KLHL4: variants seen among roughly 807,000 people sequenced by gnomAD.
KLHL4 encodes kelch-like protein 4.
Under a neutral mutation model 45.8 loss-of-function variants are expected in KLHL4, and 17 were observed. The observed-to-expected ratio is 0.37, with a 90% CI of 0.25 to 0.56. KLHL4 has a LOEUF of 0.56. Ranked by LOEUF, KLHL4 falls within the 20% of genes least tolerant of loss-of-function variation. The probability of loss-of-function intolerance (pLI) is 0.79; values close to 1 mark genes in which losing one functional copy is unlikely to be tolerated. For synonymous variants in KLHL4, 224 were observed against 189.9 expected (o/e 1.18, Z -1.47); for missense variants, 544 against 544.9 (o/e 1.00, Z 0.02).
Position 87,617,943 on chromosome X carries a change from T to C in KLHL4, c.739T>C (p.Leu247=). 1.7e-6 allele frequency: 2 copies of C among 1,208,034 alleles called. No homozygotes were observed. The highest frequency in any genetic ancestry group is 2.2e-6 in the Non-Finnish European group (2 of 892,917). The change falls in exon 4 of 11, where the codon TTG becomes CTG. Residue 247 remains leucine, a synonymous_variant. Coordinates refer to ENST00000373119, the MANE Select transcript of KLHL4 (RefSeq NM_019117.5). ...TTCAAACCATCTAGGAGTCCTGCAA[T>C]TGAAAGAAGATACCATTGAAAGTTT... ...VQYAYTGVLQ[L]KEDTIESLLA... is the part of the protein sequence containing the mutation.
intron 1 of KLHL4, among the ~76,000 whole-genome samples, chrX:87,603,647 T>TCATGATATTTATATGCATCATTATTATG (rs1922089143): frequency 9.0e-6 from 1 of 111,252 alleles, no homozygotes; most frequent in Non-Finnish European, 1.9e-5. Context: ...AATGATCAAA[T>TCATGATATTTATATGCATCATTATTATG]CATGATATTT....
At position 87,669,507 on chromosome X, in the gene KLHL4, C is replaced by T; in HGVS notation, c.*2973C>T. On this transcript the variant is annotated 3_prime_UTR_variant, in exon 11 of 11. Transcript: ENST00000373119. ...GAAAGACAGTTTCCTTCTGGAGTTCCAAATGCAATATAGAAAAAAAAACCC... is the reference window on the plus strand; with the variant it reads ...GAAAGACAGTTTCCTTCTGGAGTTCTAAATGCAATATAGAAAAAAAAACCC... The T allele has an allele frequency of 1.1e-6, 1 of 896,626 alleles. No homozygotes were observed. The highest frequency in any genetic ancestry group is 3.5e-5 in the South Asian group (1 of 28,406). 73.9% of individuals were successfully genotyped at this position (896,626 alleles called of 1,213,427 possible).
chrX:87,570,820 T>A (rs10521376), intron 1 of KLHL4, among the ~76,000 whole-genome samples: 2,478 of 110,875 alleles, frequency 0.022, 69 homozygotes, highest in African/African-American at 0.077. Flanking sequence ...ATGAAATAAG[T>A]ATAGAAGTTC....
chrX:87,574,618 A>G (rs892517365), intron 1 of KLHL4, among the ~76,000 whole-genome samples: 5 of 111,327 alleles, frequency 4.5e-5, no homozygotes, highest in African/African-American at 1.3e-4. Context: ...ATAAGACAGA[A>G]ATTCATAAGT....
intron 10 of KLHL4, among the ~76,000 whole-genome samples, chrX:87,666,184 A>G (rs1298025132): frequency 1.8e-5 from 2 of 111,304 alleles, no homozygotes; most frequent in Non-Finnish European, 3.8e-5. Context: ...CATCACAAAA[A>G]CCTTGACGTG....
At chrX:87,556,005 C>T (rs1931964410) in intron 1 of KLHL4, among the ~76,000 whole-genome samples, 1 of 109,886 alleles carries the variant, frequency 9.1e-6, no homozygotes, top group Admixed American at 9.8e-5. Context: ...GCAGGTTGTT[C>T]AGTTTCCATG....
At chrX:87,566,826 G>C (rs953045147) in intron 1 of KLHL4, among the ~76,000 whole-genome samples, 1 of 111,181 alleles carries the variant, frequency 9.0e-6, no homozygotes, top group Non-Finnish European at 1.9e-5. Flanking sequence ...AATGAAAAAA[G>C]ATCATTACAA....
intron 1 of KLHL4, among the ~76,000 whole-genome samples, chrX:87,577,175 G>A (rs1049879131): frequency 8.9e-6 from 1 of 111,859 alleles, no homozygotes; most frequent in African/African-American, 3.2e-5. Context: ...AAACTTACAG[G>A]TTATGCTAAA....
intron 1 of KLHL4, among the ~76,000 whole-genome samples, chrX:87,549,895 T>A (rs1931775609): frequency 1.8e-5 from 2 of 110,030 alleles, no homozygotes; most frequent in South Asian, 7.5e-4. Flanking sequence ...TCCAAAATTA[T>A]TAGAAAAAAA....
rs182384538 is a variant in KLHL4, at chrX:87,586,597, C to T, written c.423-27280C>T. On this transcript the variant is annotated intron_variant, in intron 1 of 10. Transcript: ENST00000373119. ...GAAACAAGTGGTAATGGAAACACAA[C>T]ATATCAGAACCCATGGAATACAGGA... Among the ~76,000 whole-genome samples, 32 of 110,800 alleles carry T rather than the reference C, an allele frequency of 2.9e-4. No individual in the cohort carries two copies. The East Asian group carries it at 8.2e-3, about 28-fold the overall frequency.
At chrX:87,559,316 T>C (rs1602416647) in intron 1 of KLHL4, among the ~76,000 whole-genome samples, 1 of 112,077 alleles carries the variant, frequency 8.9e-6, no homozygotes, top group African/African-American at 3.2e-5. Context: ...ATGCCTGTTC[T>C]GGAAGCATTT....
At chrX:87,523,685 G>A (rs896549582) in intron 1 of KLHL4, among the ~76,000 whole-genome samples, 6 of 111,626 alleles carry the variant, frequency 5.4e-5, no homozygotes, top group Admixed American at 1.9e-4. Flanking sequence ...TGAGAAGGCC[G>A]GCCGTGGTGG....
At position 87,622,338 on chromosome X, in the gene KLHL4, A is replaced by AGTGG; in HGVS notation, c.1058_1061dup (p.His355GlyfsTer3). 2 of 1,209,289 alleles carry AGTGG rather than the reference A, an allele frequency of 1.7e-6. No homozygotes were observed. Among genetic ancestry groups the AGTGG allele is most frequent in the Non-Finnish European group, 2.2e-6 (2 of 893,429 alleles). ...GAGACCATTTTTCATGCTCTAATGC[A>AGTGG]GTGGGTGGGGCATGATGTGCAGAAT... On this transcript the variant is annotated frameshift_variant, in exon 5 of 11. Transcript: ENST00000373119. LOFTEE classifies it high-confidence loss of function.
chrX:87,649,236 T>C (rs1232014159), intron 9 of KLHL4, among the ~76,000 whole-genome samples: 1 of 111,758 alleles, frequency 8.9e-6, no homozygotes, highest in Non-Finnish European at 1.9e-5. Flanking sequence ...TTTTTGTTTC[T>C]ATGAATTTGA....
At chrX:87,560,943 T>C (rs1430785415) in intron 1 of KLHL4, among the ~76,000 whole-genome samples, 1 of 111,370 alleles carries the variant, frequency 9.0e-6, no homozygotes, top group Admixed American at 9.6e-5. Context: ...TCACTAGATA[T>C]CCACATGCAG....
chrX:87,531,324 G>A (rs1443913665), intron 1 of KLHL4, among the ~76,000 whole-genome samples: 1 of 110,679 alleles, frequency 9.0e-6, no homozygotes, highest in Non-Finnish European at 1.9e-5. Flanking sequence ...TGGTGTTTTA[G>A]ACATGAAGTC....
At position 87,524,048 on chromosome X, in the gene KLHL4, C is replaced by G. The variant is rs73509844; in HGVS notation, c.422+5733C>G. ...CAGAAGAATTTCAAATAATTTATGC[C>G]AGCACTCTGCCCTCAAAGAGGTCGA... On this transcript the variant is annotated intron_variant, in intron 1 of 10. Coordinates refer to ENST00000373119, the MANE Select transcript of KLHL4 (RefSeq NM_019117.5). Among the ~76,000 whole-genome samples, 531 of 111,089 alleles carry G rather than the reference C, an allele frequency of 4.8e-3. 2 individuals carry two copies. The highest frequency in any genetic ancestry group is 0.016 in the African/African-American group (503 of 30,575).
intron 1 of KLHL4, among the ~76,000 whole-genome samples, chrX:87,609,690 A>G (rs1460497949): frequency 1.8e-5 from 2 of 110,344 alleles, no homozygotes; most frequent in African/African-American, 6.6e-5. Flanking sequence ...GATTGCAAAA[A>G]TTTTCTCCCA....
intron 1 of KLHL4, among the ~76,000 whole-genome samples, chrX:87,595,159 A>G (rs1013161539): frequency 9.1e-6 from 1 of 110,303 alleles, no homozygotes; most frequent in African/African-American, 3.3e-5. Context: ...TCCTAATGCT[A>G]TCCCTGCCCC....
Sources: gnomAD v4.1 joint callset for allele counts (sites outside exome capture counted in the v4.1 genomes callset) on GRCh38, gnomAD v4.1.1 for gene constraint, MANE v1.5 for transcripts, NCBI Gene and HGNC (gene_info 2026-07-23, HGNC 2026-07-21) for gene names.